The following MCTP1 variants were observed in gnomAD, a reference collection of about 807,000 sequenced individuals.
MCTP1 encodes multiple C2 and transmembrane domain-containing protein 1.
A neutral mutation model predicts 120.6 loss-of-function variants in MCTP1; 69 were observed. The ratio of observed to expected loss-of-function variants is 0.57; its 90% CI spans 0.47 to 0.70. The LOEUF (loss-of-function observed/expected upper bound fraction) is 0.70, where lower values mean the gene tolerates loss of function less well. MCTP1 is among the 30% of genes least tolerant of loss of function. MCTP1 has a pLI of 0.00. For synonymous variants in MCTP1, 529 were observed against 493.1 expected (o/e 1.07, Z -0.96); for missense variants, 1,203 against 1,248.8 (o/e 0.96, Z 0.55).
intron 10 of MCTP1, among the ~76,000 whole-genome samples, chr5:94,903,633 A>C (rs1806075265): frequency 6.6e-6 from 1 of 152,200 alleles, no homozygotes; most frequent in Admixed American, 6.5e-5. Flanking sequence ...CCCTTGACTC[A>C]AGCGTACATT....
chr5:94,850,587 C>T (rs1363959887), intron 17 of MCTP1, among the ~76,000 whole-genome samples: 1 of 152,106 alleles, frequency 6.6e-6, no homozygotes, highest in Non-Finnish European at 1.5e-5. Flanking sequence ...GTAAAGACTG[C>T]ACACTGCACA....
chr5:95,068,856 C>T (rs191842927), intron 1 of MCTP1: 68 of 1,233,370 alleles, frequency 5.5e-5, no homozygotes, highest in African/African-American at 3.9e-4. Context: ...AAAAATTTTA[C>T]GTAATATTGT....
intron 1 of MCTP1, among the ~76,000 whole-genome samples, chr5:95,280,734 A>C (rs1283663350): frequency 3.9e-5 from 6 of 152,230 alleles, no homozygotes; most frequent in Non-Finnish European, 8.8e-5. Flanking sequence ...CTGTTAATAC[A>C]TATTGCAAAG....
chr5:94,866,092 T>C (rs1796740612), intron 17 of MCTP1, among the ~76,000 whole-genome samples: 1 of 151,928 alleles, frequency 6.6e-6, no homozygotes, highest in South Asian at 2.1e-4. Context: ...CTAAGCTATG[T>C]TTATCATGAT....
intron 10 of MCTP1, among the ~76,000 whole-genome samples, chr5:94,896,429 T>TC (rs1424628508): frequency 6.6e-6 from 1 of 152,130 alleles, no homozygotes; most frequent in Non-Finnish European, 1.5e-5. Flanking sequence ...TTCTTTTTTT[T>TC]CCCACTCACT....
intron 1 of MCTP1, among the ~76,000 whole-genome samples, chr5:95,278,571 T>C (rs994089663): frequency 6.6e-6 from 1 of 152,216 alleles, no homozygotes; most frequent in African/African-American, 2.4e-5. Context: ...AATGGTCTTA[T>C]TTAGAACGCT....
intron 1 of MCTP1, among the ~76,000 whole-genome samples, chr5:95,165,304 C>T (rs576875923): frequency 3.9e-4 from 60 of 152,286 alleles, no homozygotes; most frequent in Non-Finnish European, 8.4e-4. Context: ...TTGTGCCCAC[C>T]TAATACTTTG....
At chr5:95,007,335 A>T (rs933105027) in intron 2 of MCTP1, among the ~76,000 whole-genome samples, 2 of 152,128 alleles carry the variant, frequency 1.3e-5, no homozygotes, top group Non-Finnish European at 2.9e-5. Context: ...AAAATTCCCA[A>T]GGATTGAAAA....
intron 1 of MCTP1, among the ~76,000 whole-genome samples, chr5:95,060,047 T>C (rs1224082044): frequency 2.0e-5 from 3 of 152,134 alleles, no homozygotes; most frequent in African/African-American, 7.2e-5. Context: ...AGGAGTCATT[T>C]TGGAAATAAG....
At chr5:95,052,606 C>A (rs560374769) in intron 1 of MCTP1, among the ~76,000 whole-genome samples, 1 of 152,258 alleles carries the variant, frequency 6.6e-6, no homozygotes, top group South Asian at 2.1e-4. Context: ...CATCCTATAG[C>A]CTTTCAAAGA....
At chr5:94,777,927 CGTGTGTGTGTGTGTGTGT>C (rs71615135) in intron 19 of MCTP1, among the ~76,000 whole-genome samples, 5 of 148,850 alleles carry the variant, frequency 3.4e-5, no homozygotes, top group African/African-American at 1.2e-4. Context: ...AGAAAGTGTG[CGTGTGTGTGTGTGTGTGT>C]GTGTGTGTGT....
At chr5:95,223,879 T>C (rs1753962913) in intron 1 of MCTP1, among the ~76,000 whole-genome samples, 1 of 152,142 alleles carries the variant, frequency 6.6e-6, no homozygotes, top group Non-Finnish European at 1.5e-5. Context: ...CCTACAACTG[T>C]TTATCTGTGT....
At chr5:95,165,779 G>T (rs960343874) in intron 1 of MCTP1, among the ~76,000 whole-genome samples, 1 of 152,174 alleles carries the variant, frequency 6.6e-6, no homozygotes, top group African/African-American at 2.4e-5. Context: ...GCTTAGTCAT[G>T]TCTTTGGAAC....
At chr5:95,237,937 C>A (rs1196291330) in intron 1 of MCTP1, among the ~76,000 whole-genome samples, 1 of 152,040 alleles carries the variant, frequency 6.6e-6, no homozygotes, top group Non-Finnish European at 1.5e-5. Flanking sequence ...GCATGCCACA[C>A]GAGATGCTGG....
chr5:94,844,855 T>G (rs1013617964), intron 17 of MCTP1, among the ~76,000 whole-genome samples: 54 of 152,228 alleles, frequency 3.5e-4, no homozygotes, highest in African/African-American at 1.3e-3. Context: ...TTCCCTCTCT[T>G]TATTCTGTTT....
chr5:95,213,379 G>C (rs1752637684), intron 1 of MCTP1, among the ~76,000 whole-genome samples: 1 of 127,824 alleles, frequency 7.8e-6, no homozygotes, highest in Non-Finnish European at 1.7e-5. Flanking sequence ...CAAACAAATG[G>C]AAGAACATTC....
At chr5:94,904,461 A>C (rs1259343582) in intron 10 of MCTP1, among the ~76,000 whole-genome samples, 2 of 152,144 alleles carry the variant, frequency 1.3e-5, no homozygotes, top group African/African-American at 4.8e-5. Flanking sequence ...ATTTATGGTA[A>C]ATTTACTTTT....
intron 17 of MCTP1, among the ~76,000 whole-genome samples, chr5:94,814,802 G>A (rs1784161182): frequency 6.6e-6 from 1 of 152,094 alleles, no homozygotes; most frequent in Admixed American, 6.6e-5. Context: ...TGGCACAGGA[G>A]AATGAGGATA....
chr5:94,885,455 C>T (rs159352), intron 12 of MCTP1, among the ~76,000 whole-genome samples: 1 of 152,014 alleles, frequency 6.6e-6, no homozygotes, highest in African/African-American at 2.4e-5. Flanking sequence ...GAAAGCCTCA[C>T]TCAATATAGG....
Sources: gnomAD v4.1 joint callset for allele counts (sites outside exome capture counted in the v4.1 genomes callset) on GRCh38, gnomAD v4.1.1 for gene constraint, MANE v1.5 for transcripts, NCBI Gene and HGNC (gene_info 2026-07-23, HGNC 2026-07-21) for gene names.